Variants in METAP1D observed in about 807,000 individuals in gnomAD.
The protein encoded by METAP1D is methionyl aminopeptidase type 1D, mitochondrial.
Under a neutral mutation model 40.5 loss-of-function variants are expected in METAP1D, and 31 were observed. The ratio of observed to expected loss-of-function variants is 0.77; its 90% CI spans 0.58 to 1.03. The LOEUF (loss-of-function observed/expected upper bound fraction) is 1.03, where lower values mean the gene tolerates loss of function less well. METAP1D is among the 50% of genes least tolerant of loss of function. The pLI, the probability that METAP1D is intolerant of heterozygous loss-of-function variation, is 0.00. For missense variants in METAP1D, 411 were observed against 420.7 expected, an observed-to-expected ratio of 0.98 and a Z score of 0.20; for synonymous variants, 151 against 146.4, an observed-to-expected ratio of 1.03 and a Z score of -0.22.
intron 1 of METAP1D, among the ~76,000 whole-genome samples, chr2:172,005,546 C>CTTTT (rs373606194): frequency 1.3e-5 from 1 of 74,920 alleles, no homozygotes; most frequent in Non-Finnish European, 2.6e-5. Flanking sequence ...ATATATATAT[C>CTTTT]TTTTTTTTTT....
rs1024476991 is a variant in METAP1D at position 172,082,116 on chromosome 2, C to T, written c.*1710C>T. 3.9e-5 allele frequency: 6 copies of T among 152,390 alleles called. No individual in the cohort carries two copies. The highest frequency in any genetic ancestry group is 4.1e-4 in the South Asian group (2 of 4,840). 9.4% of individuals were successfully genotyped at this position (152,390 alleles called of 1,614,324 possible). A position where few individuals can be genotyped will look rare whatever the true frequency, so the allele number is the denominator to read the frequency against. Reference sequence around the variant, plus strand: ...GTCGGAAGTTGGCCAAGCAGAGGCCCACAGCCTGATGCTACTGCCCCCCAC... The same window carrying T: ...GTCGGAAGTTGGCCAAGCAGAGGCCTACAGCCTGATGCTACTGCCCCCCAC... On this transcript the variant is annotated 3_prime_UTR_variant, in exon 10 of 10. Coordinates refer to ENST00000315796, the MANE Select transcript of METAP1D (RefSeq NM_199227.3).
At chr2:172,026,219 A>G (rs912818475) in intron 1 of METAP1D, among the ~76,000 whole-genome samples, 2 of 151,952 alleles carry the variant, frequency 1.3e-5, no homozygotes, top group African/African-American at 2.4e-5. Context: ...CATTTGTTCT[A>G]TAGATTTTCT....
At chr2:172,019,374 CAAG>C (rs1203889708) in intron 1 of METAP1D, among the ~76,000 whole-genome samples, 2 of 151,938 alleles carry the variant, frequency 1.3e-5, no homozygotes, top group Non-Finnish European at 2.9e-5. Context: ...ATAATATACT[CAAG>C]AAAAATTTTC....
intron 1 of METAP1D, among the ~76,000 whole-genome samples, chr2:172,052,437 A>G (rs1689905693): frequency 6.6e-6 from 1 of 152,152 alleles, no homozygotes; most frequent in Non-Finnish European, 1.5e-5. Flanking sequence ...CAATTGGAAG[A>G]CCTTGTCTGT....
At chr2:172,028,802 A>G (rs190749863) in intron 1 of METAP1D, among the ~76,000 whole-genome samples, 145 of 152,326 alleles carry the variant, frequency 9.5e-4, no homozygotes, top group African/African-American at 3.4e-3. Flanking sequence ...GCTTGTTTTT[A>G]ATGTCTGTTA....
chr2:172,035,095 T>C (rs937988920), intron 1 of METAP1D, among the ~76,000 whole-genome samples: 3 of 151,556 alleles, frequency 2.0e-5, no homozygotes, highest in Admixed American at 6.6e-5. Context: ...AAAAGAAATA[T>C]ACAATTTAAT....
chr2:172,002,836 T>A (rs1254647301), intron 1 of METAP1D, among the ~76,000 whole-genome samples: 1 of 152,206 alleles, frequency 6.6e-6, no homozygotes, highest in Non-Finnish European at 1.5e-5. Flanking sequence ...TTTATGAGCA[T>A]CATTTCTTCT....
chr2:172,014,650 T>G (rs1393024925), intron 1 of METAP1D, among the ~76,000 whole-genome samples: 1 of 151,980 alleles, frequency 6.6e-6, no homozygotes, highest in Non-Finnish European at 1.5e-5. Context: ...CAGATAGTTT[T>G]TCATCTTTTT....
chr2:172,079,827 GTTA>G (rs1414861030), intron 8 of METAP1D, among the ~76,000 whole-genome samples: 1 of 152,164 alleles, frequency 6.6e-6, no homozygotes, highest in Non-Finnish European at 1.5e-5. Flanking sequence ...TGTTTGGGTG[GTTA>G]TTATCCACGG....
intron 4 of METAP1D, 44 bp from the exon 5 acceptor site, chr2:172,066,220 T>C: frequency 1.3e-6 from 2 of 1,523,288 alleles, no homozygotes; most frequent in South Asian, 2.3e-5. Flanking sequence ...TTTCCTTTTA[T>C]TGAGATCTGT....
In METAP1D at chr2:172,082,425, C is replaced by G. The variant is rs1690741094; in HGVS notation, c.*2019C>G. 6.6e-6 allele frequency: 1 copy of G among 152,148 alleles called. No homozygotes were observed. Among genetic ancestry groups the G allele is most frequent in the African/African-American group, 2.4e-5 (1 of 41,410 alleles). The allele number at this position is 152,148 out of a possible 1,614,324, so 9.4% of individuals were successfully genotyped here. ...TAATTCCATTTATTAAAGGGACTAA[C>G]CTAAAGTGTGTGGGTGTATATATAT... On this transcript the variant is annotated 3_prime_UTR_variant, in exon 10 of 10. Transcript: ENST00000315796.
At chr2:172,071,801 T>G (rs1031692439) in intron 6 of METAP1D, among the ~76,000 whole-genome samples, 4 of 152,200 alleles carry the variant, frequency 2.6e-5, no homozygotes, top group Non-Finnish European at 5.9e-5. Flanking sequence ...GATGATCACA[T>G]CAGTGCCCTT....
rs59185683 is a variant in METAP1D at position 172,032,910 on chromosome 2, T to C, written c.41-28588T>C. On this transcript the variant is annotated intron_variant, in intron 1 of 9. Transcript: ENST00000315796. Reference sequence around the variant, plus strand: ...ACCCCATCTCTACTAAAAATAAAAATTAGCTGAGCCTGGTGGCGGGCGTCT... The same window carrying C: ...ACCCCATCTCTACTAAAAATAAAAACTAGCTGAGCCTGGTGGCGGGCGTCT... 9.9e-5 allele frequency among the ~76,000 whole-genome samples: 15 copies of C among 152,058 alleles called. No homozygotes were observed. The East Asian group carries it at 2.7e-3, about 28-fold the overall frequency.
chr2:172,020,020 G>A lies in METAP1D; in HGVS notation c.40+20011G>A, dbSNP rs545673756. On this transcript the variant is annotated intron_variant, in intron 1 of 9. Transcript: ENST00000315796. ...GTTTGTTTCTTTTTTTTAGACAAGA[G>A]TCTTGCTCTGTCTCCAGGCTGGAGT... is the stretch of plus-strand genomic sequence containing the variant. Among the ~76,000 whole-genome samples the A allele has an allele frequency of 2.6e-5, 4 of 152,310 alleles. No individual in the cohort carries two copies. In the East Asian group the frequency reaches 7.7e-4, roughly 29 times the overall value.
chr2:172,052,969 G>T (rs1034684130), intron 1 of METAP1D, among the ~76,000 whole-genome samples: 1 of 152,112 alleles, frequency 6.6e-6, no homozygotes, highest in Non-Finnish European at 1.5e-5. Flanking sequence ...TGAAATGTGA[G>T]CTTCTCTTCT....
intron 8 of METAP1D, among the ~76,000 whole-genome samples, chr2:172,079,826 G>T (rs1457792911): frequency 6.6e-6 from 1 of 152,164 alleles, no homozygotes; most frequent in African/African-American, 2.4e-5. Flanking sequence ...GTGTTTGGGT[G>T]GTTATTATCC....
At chr2:172,041,726 T>TTATTTATA (rs1553493428) in intron 1 of METAP1D, among the ~76,000 whole-genome samples, 1 of 37,560 alleles carries the variant, frequency 2.7e-5, no homozygotes, top group African/African-American at 8.1e-5. Flanking sequence ...TCTAATTATT[T>TTATTTATA]TATATATATA....
chr2:172,000,352 C>G (rs1292126416), intron 1 of METAP1D, among the ~76,000 whole-genome samples: 4 of 152,178 alleles, frequency 2.6e-5, no homozygotes, highest in African/African-American at 4.8e-5. Flanking sequence ...GCAAGGAAAC[C>G]TATGGTAATT....
In METAP1D at chr2:172,042,152, T is replaced by C. The variant is rs182087899; in HGVS notation, c.41-19346T>C. Among the ~76,000 whole-genome samples the C allele has an allele frequency of 8.9e-3, 1,020 of 114,136 alleles. 221 individuals are homozygous for C. Among genetic ancestry groups the C allele is most frequent in the African/African-American group, 0.028 (968 of 34,056 alleles). 74.9% of individuals were successfully genotyped at this position (114,136 alleles called of 152,430 possible). On this transcript the variant is annotated intron_variant, in intron 1 of 9. Coordinates refer to ENST00000315796, the MANE Select transcript of METAP1D (RefSeq NM_199227.3). ...AAATATATGTATATATACATATGTA[T>C]GTGTACATGTGTACACATATACATA...
Sources: allele counts gnomAD v4.1 joint callset (sites outside exome capture counted in the v4.1 genomes callset), GRCh38; gene constraint gnomAD v4.1.1; transcripts MANE v1.5; gene names NCBI Gene and HGNC (gene_info 2026-07-23, HGNC 2026-07-21).